The following BCL2 variants were observed in gnomAD, a reference collection of about 807,000 sequenced individuals.
BCL2 encodes the protein BCL2 apoptosis regulator, also known as apoptosis regulator Bcl-2.
A neutral mutation model predicts 14.2 loss-of-function variants in BCL2; 1 was observed. The observed-to-expected ratio is 0.07, with a 90% CI of 0.02 to 0.33. The LOEUF (loss-of-function observed/expected upper bound fraction) is 0.33, where lower values mean the gene tolerates loss of function less well. Ranked by LOEUF, BCL2 falls within the 10% of genes least tolerant of loss-of-function variation. The pLI is 0.99. For missense variants in BCL2, 247 were observed against 305.9 expected, an observed-to-expected ratio of 0.81 and a Z score of 1.44; for synonymous variants, 151 against 137.2, an observed-to-expected ratio of 1.10 and a Z score of -0.70.
At chr18:63,298,477 T>G (rs1312133322) in intron 2 of BCL2, among the ~76,000 whole-genome samples, 1 of 152,198 alleles carries the variant, frequency 6.6e-6, no homozygotes, top group Non-Finnish European at 1.5e-5. Flanking sequence ...TGCAAATAGC[T>G]ACCTCTAAAT....
At chr18:63,191,677 C>T (rs907170180) in intron 2 of BCL2, among the ~76,000 whole-genome samples, 2 of 152,184 alleles carry the variant, frequency 1.3e-5, no homozygotes, top group Admixed American at 6.5e-5. Context: ...CCTTGGAGTT[C>T]AGGATAAGCC....
Position 63,220,194 on chromosome 18 carries a change from T to G in BCL2, c.586-91435A>C, listed in dbSNP as rs534204619. Among the ~76,000 whole-genome samples, 4 of 152,328 alleles carry G rather than the reference T, an allele frequency of 2.6e-5. No individual in the cohort carries two copies. The East Asian group carries it at 5.8e-4, about 22-fold the overall frequency. On this transcript the variant is annotated intron_variant, in intron 2 of 2. Coordinates refer to ENST00000333681, the MANE Select transcript of BCL2 (RefSeq NM_000633.3). ...ACTTTTGTAAGGGATGATAATTTTT[T>G]GTTTGAAAGACTGGTATCAAGAGCA...
chr18:63,287,255 C>T (rs1912502482), intron 2 of BCL2, among the ~76,000 whole-genome samples: 1 of 152,188 alleles, frequency 6.6e-6, no homozygotes, highest in Non-Finnish European at 1.5e-5. Context: ...ATTCTGTATG[C>T]TCCTTATTTT....
chr18:63,169,518 CTCTTT>C (rs1161130606), intron 2 of BCL2, among the ~76,000 whole-genome samples: 1 of 108,004 alleles, frequency 9.3e-6, no homozygotes, highest in Non-Finnish European at 1.8e-5. Context: ...CTCTTCTCTT[CTCTTT>C]TTTTTCTTCC....
chr18:63,167,661 CTCCTGTCTGTAA>C (rs768865208), intron 2 of BCL2, among the ~76,000 whole-genome samples: 1 of 152,072 alleles, frequency 6.6e-6, no homozygotes, highest in Non-Finnish European at 1.5e-5. Context: ...GGCGTGGTGG[CTCCTGTCTGTAA>C]TCCCAGCATA....
chr18:63,208,671 C>T (rs1032713441), intron 2 of BCL2, among the ~76,000 whole-genome samples: 6 of 152,100 alleles, frequency 3.9e-5, no homozygotes, highest in Admixed American at 1.3e-4. Flanking sequence ...GGGAAGGAGA[C>T]TTTGTGAAGG....
At chr18:63,167,923 C>T (rs1387064109) in intron 2 of BCL2, among the ~76,000 whole-genome samples, 1 of 137,148 alleles carries the variant, frequency 7.3e-6, no homozygotes, top group Non-Finnish European at 1.5e-5. Flanking sequence ...GAGACTCCGT[C>T]TCAAAAAAAA....
chr18:63,129,436 G>A (rs1220057436), intron 2 of BCL2, among the ~76,000 whole-genome samples: 2 of 151,824 alleles, frequency 1.3e-5, no homozygotes, highest in Admixed American at 6.6e-5. Context: ...GGATTACCAT[G>A]CTTGGCTAAT....
At chr18:63,193,196 C>A (rs575805318) in intron 2 of BCL2, among the ~76,000 whole-genome samples, 2 of 152,280 alleles carry the variant, frequency 1.3e-5, no homozygotes, top group South Asian at 4.1e-4. Context: ...GTGATTACTG[C>A]TATTCAGAAA....
At chr18:63,299,803 T>C (rs1005736620) in intron 2 of BCL2, among the ~76,000 whole-genome samples, 4 of 130,398 alleles carry the variant, frequency 3.1e-5, no homozygotes, top group Non-Finnish European at 7.2e-5. Flanking sequence ...CTTGCTTTTT[T>C]TTTTTCTTTT....
At chr18:63,169,819 A>G (rs891055042) in intron 2 of BCL2, among the ~76,000 whole-genome samples, 1 of 151,962 alleles carries the variant, frequency 6.6e-6, no homozygotes, top group Non-Finnish European at 1.5e-5. Context: ...CACCGTGCCC[A>G]GCGCGTTTTC....
chr18:63,270,890 T>G (rs1353569858), intron 2 of BCL2, among the ~76,000 whole-genome samples: 1 of 152,072 alleles, frequency 6.6e-6, no homozygotes, highest in Admixed American at 6.6e-5. Context: ...CGATCTCAGC[T>G]CATTTTGACC....
chr18:63,228,716 T>A (rs1910611692), intron 2 of BCL2, among the ~76,000 whole-genome samples: 1 of 151,470 alleles, frequency 6.6e-6, no homozygotes, highest in Non-Finnish European at 1.5e-5. Context: ...AAAGCAATTT[T>A]TTTTTTTTTT....
chr18:63,153,313 A>T (rs1399305747), intron 2 of BCL2, among the ~76,000 whole-genome samples: 1 of 152,230 alleles, frequency 6.6e-6, no homozygotes, highest in Non-Finnish European at 1.5e-5. Flanking sequence ...GACTTCTGTG[A>T]AGTGCCTGGC....
chr18:63,248,500 A>G (rs1156667573), intron 2 of BCL2, among the ~76,000 whole-genome samples: 3 of 152,250 alleles, frequency 2.0e-5, no homozygotes, highest in African/African-American at 7.2e-5. Flanking sequence ...CAAAGAGTCC[A>G]TTTTGTAAAA....
intron 2 of BCL2, among the ~76,000 whole-genome samples, chr18:63,266,503 T>C (rs1911825743): frequency 6.6e-6 from 1 of 151,682 alleles, no homozygotes; most frequent in Non-Finnish European, 1.5e-5. Flanking sequence ...TTGAATTTTA[T>C]AATATGTGCT....
At chr18:63,177,641 A>G (rs538842844) in intron 2 of BCL2, among the ~76,000 whole-genome samples, 5 of 152,346 alleles carry the variant, frequency 3.3e-5, no homozygotes, top group Admixed American at 3.3e-4. Flanking sequence ...CACCTAGCAC[A>G]AGGTGTGATA....
At chr18:63,191,136 G>C (rs984904547) in intron 2 of BCL2, among the ~76,000 whole-genome samples, 1 of 152,148 alleles carries the variant, frequency 6.6e-6, no homozygotes. Flanking sequence ...ATGTCTTTGC[G>C]ATTGTGAATA....
intron 2 of BCL2, among the ~76,000 whole-genome samples, chr18:63,244,271 G>C (rs564763896): frequency 2.0e-5 from 3 of 152,112 alleles, no homozygotes; most frequent in South Asian, 2.1e-4. Flanking sequence ...CCAGCTACTC[G>C]GGAGGCTGAG....
Sources: gnomAD v4.1 joint callset for allele counts (sites outside exome capture counted in the v4.1 genomes callset) on GRCh38, gnomAD v4.1.1 for gene constraint, MANE v1.5 for transcripts, NCBI Gene and HGNC (gene_info 2026-07-23, HGNC 2026-07-21) for gene names.